The following ZFTRAF1 variants were observed in gnomAD, a reference collection of about 807,000 sequenced individuals.
ZFTRAF1 encodes zinc finger TRAF-type-containing protein 1.
chr8:144,450,130 CCGTCTCCTCTT>C, the ZFTRAF1 span: 1 of 497,418 alleles, frequency 2.0e-6, no homozygotes. Flanking sequence ...GCCTGGTGCA[CCGTCTCCTCTT>C]CGGGTCAGCC....
At chr8:144,450,146 T>TCAGCC in the ZFTRAF1 span, 16 of 523,614 alleles carry the variant, frequency 3.1e-5, no homozygotes, top group South Asian at 3.5e-4. Flanking sequence ...CCTCTTCGGG[T>TCAGCC]CAGCCCAGCC....
chr8:144,454,002 T>C, the ZFTRAF1 span: 144,481 of 155,020 alleles, frequency 0.93, 67,922 homozygotes, highest in Non-Finnish European at 1. Flanking sequence ...CCAGGGAGGT[T>C]GGCTACCTGC....
the ZFTRAF1 span, chr8:144,453,529 C>G: frequency 1.5e-6 from 2 of 1,370,482 alleles, no homozygotes; most frequent in Admixed American, 2.1e-5. Context: ...CCCGCCCATG[C>G]CCATCAGCTC....
chr8:144,458,515 G>A, the ZFTRAF1 span, among the ~76,000 whole-genome samples: 3 of 152,214 alleles, frequency 2.0e-5, no homozygotes, highest in African/African-American at 7.2e-5. Context: ...TGGACATGTG[G>A]ATGGTGACTC....
At chr8:144,453,480 G>T in the ZFTRAF1 span, 2 of 1,539,708 alleles carry the variant, frequency 1.3e-6, no homozygotes, top group South Asian at 1.2e-5. Flanking sequence ...AGGAAAGGGA[G>T]ACGAAGCTCA....
chr8:144,461,779 G>A, the ZFTRAF1 span, among the ~76,000 whole-genome samples: 25 of 152,344 alleles, frequency 1.6e-4, no homozygotes, highest in African/African-American at 6.0e-4. Context: ...CAGGAGGGTA[G>A]AAAAGGAGGC....
the ZFTRAF1 span, among the ~76,000 whole-genome samples, chr8:144,461,924 G>C: frequency 6.6e-6 from 1 of 152,274 alleles, no homozygotes; most frequent in South Asian, 2.1e-4. Flanking sequence ...GCAGTTGCGG[G>C]CTAAGGATCA....
chr8:144,450,308 C>A, the ZFTRAF1 span: 1 of 668,696 alleles, frequency 1.5e-6, no homozygotes, highest in South Asian at 1.6e-5. Flanking sequence ...GAAGCAGCTG[C>A]CAGCCAGGTG....
the ZFTRAF1 span, among the ~76,000 whole-genome samples, chr8:144,461,815 G>A: frequency 1.4e-3 from 207 of 152,264 alleles, 1 homozygote; most frequent in African/African-American, 4.8e-3. Flanking sequence ...AGGAGTGGAG[G>A]GACAAACTCG....
At chr8:144,462,284 TG>T in the ZFTRAF1 span, 1 of 587,110 alleles carries the variant, frequency 1.7e-6, no homozygotes, top group South Asian at 1.8e-5. Context: ...CGGCCCTACC[TG>T]GTACACGGAG....
At chr8:144,461,091 T>C in the ZFTRAF1 span, among the ~76,000 whole-genome samples, 4 of 152,034 alleles carry the variant, frequency 2.6e-5, no homozygotes, top group Non-Finnish European at 5.9e-5. Flanking sequence ...CAGTGCCCTC[T>C]CCCCACCCAG....
At chr8:144,450,750 G>A in the ZFTRAF1 span, 2 of 704,302 alleles carry the variant, frequency 2.8e-6, no homozygotes, top group African/African-American at 1.8e-5. Context: ...TCGTCTGTGC[G>A]GTACGGCCGG....
chr8:144,449,952 A>C, the ZFTRAF1 span: 1 of 192,396 alleles, frequency 5.2e-6, no homozygotes, highest in Non-Finnish European at 1.1e-5. Flanking sequence ...GCTGCCTTTT[A>C]ATTGCTATCA....
chr8:144,458,933 C>T, the ZFTRAF1 span, among the ~76,000 whole-genome samples: 3 of 152,226 alleles, frequency 2.0e-5, no homozygotes, highest in African/African-American at 7.2e-5. Flanking sequence ...CGAGTGAGCC[C>T]GTTTTTGCCT....
chr8:144,453,141 C>A, the ZFTRAF1 span: 2 of 1,297,416 alleles, frequency 1.5e-6, no homozygotes, highest in Non-Finnish European at 1.1e-6. Flanking sequence ...GACCACCCTG[C>A]ACAGGGCCCT....
the ZFTRAF1 span, among the ~76,000 whole-genome samples, chr8:144,460,622 C>T: frequency 1.6e-4 from 24 of 152,344 alleles, no homozygotes; most frequent in African/African-American, 5.5e-4. Flanking sequence ...GTGGCTCATG[C>T]CTGTAATCTC....
At chr8:144,458,878 C>T in the ZFTRAF1 span, among the ~76,000 whole-genome samples, 2 of 152,338 alleles carry the variant, frequency 1.3e-5, no homozygotes, top group South Asian at 2.1e-4. Context: ...TTAGAGGGAG[C>T]GGCTGGACCA....
At chr8:144,462,667 G>A in the ZFTRAF1 span, 8 of 144,372 alleles carry the variant, frequency 5.5e-5, no homozygotes, top group African/African-American at 2.0e-4. Flanking sequence ...CGGCCGGCCG[G>A]CCCGGCGGGC....
At chr8:144,450,238 C>A in the ZFTRAF1 span, 2 of 613,612 alleles carry the variant, frequency 3.3e-6, no homozygotes, top group South Asian at 1.9e-5. Context: ...CGCATGCAGA[C>A]TTGCCCTGTG....
Sources: allele counts gnomAD v4.1 joint callset (sites outside exome capture counted in the v4.1 genomes callset), GRCh38; gene constraint gnomAD v4.1.1; transcripts MANE v1.5; gene names NCBI Gene and HGNC (gene_info 2026-07-23, HGNC 2026-07-21).